Variants in GTPBP1 observed in about 807,000 individuals in gnomAD.
GTPBP1 encodes GTP binding protein 1.
In GTPBP1, 23 loss-of-function variants were observed where a neutral mutation model predicts 62.0. The ratio of observed to expected loss-of-function variants is 0.37; its 90% CI spans 0.27 to 0.53. GTPBP1 has a LOEUF of 0.53. Ranked by LOEUF, GTPBP1 falls within the 20% of genes least tolerant of loss-of-function variation. The pLI, the probability that GTPBP1 is intolerant of heterozygous loss-of-function variation, is 0.89. For missense variants in GTPBP1, 640 were observed against 917.3 expected (o/e 0.70, Z 3.90); for synonymous variants, 344 against 364.4 (o/e 0.94, Z 0.64).
At chr22:38,706,883 C>T (rs919574455) in intron 1 of GTPBP1, 2 of 152,170 alleles carry the variant, frequency 1.3e-5, no homozygotes, top group Non-Finnish European at 1.5e-5. Context: ...GCCTCGCCAA[C>T]GGCTTGACAT....
At chr22:38,739,111 C>G, downstream of GTPBP1, 1 of 1,054,372 alleles carries the variant, frequency 9.5e-7, no homozygotes, top group South Asian at 1.4e-5. This position sits in a 1 kb window ranked among gnomAD's most constrained non-coding sequence, Gnocchi z 6.7. Context: ...TAACCCTAAC[C>G]GAGATGCTCA....
chr22:38,726,111 G>A lies in GTPBP1; in HGVS notation c.1179G>A (p.Glu393=), dbSNP rs2092725380. 1 of 1,614,098 alleles carries A rather than the reference G, an allele frequency of 6.2e-7. No homozygotes were observed. Among genetic ancestry groups the A allele is most frequent in the Non-Finnish European group, 8.5e-7 (1 of 1,179,988 alleles). The change falls in exon 7 of 12, where the codon GAG becomes GAA. Residue 393 remains glutamate (E), a synonymous_variant. Coordinates refer to ENST00000216044, the MANE Select transcript of GTPBP1 (RefSeq NM_004286.5). The surrounding 1 kb of genome is among the most constrained non-coding windows in gnomAD (Gnocchi z 4.1). ...LSPRTSYREE[E]PAEFQIDDTY... is the part of the protein sequence containing the mutation. ...CCCGCACCAGCTACAGGGAGGAGGA[G>A]CCTGCTGAGTTTCAGATTGATGACA...
In GTPBP1 at chr22:38,716,518, C is replaced by T; in HGVS notation, c.486-134C>T. ...ACCTTCCCACTGTGCTCCTCCGGCTCAAGGAGGAGCTGTGAGCCGGAGGGG... is the reference window on the plus strand; with the variant it reads ...ACCTTCCCACTGTGCTCCTCCGGCTTAAGGAGGAGCTGTGAGCCGGAGGGG... On this transcript the variant is annotated intron_variant, in intron 3 of 11. Transcript: ENST00000216044. This position sits in a 1 kb window ranked among gnomAD's most constrained non-coding sequence, Gnocchi z 5.2. The T allele has an allele frequency of 1.5e-6, 1 of 667,496 alleles. No homozygotes were observed. 41.3% of individuals were successfully genotyped at this position (667,496 alleles called of 1,614,324 possible).
downstream of GTPBP1, chr22:38,736,496 C>T: frequency 1.3e-6 from 1 of 762,112 alleles, no homozygotes. Flanking sequence ...TGCTCCTTCC[C>T]TGGGGCTCTG....
downstream of GTPBP1, chr22:38,738,950 C>G: frequency 6.2e-7 from 1 of 1,613,656 alleles, no homozygotes; most frequent in Non-Finnish European, 8.5e-7. The surrounding 1 kb of genome is among the most constrained non-coding windows in gnomAD (Gnocchi z 6.6). Flanking sequence ...GTCTTGGTCT[C>G]GTAGGTCTCA....
At chr22:38,717,050 GTC>G (rs2092674850) in intron 4 of GTPBP1, 50 bp downstream of exon 4, 1 of 1,125,372 alleles carries the variant, frequency 8.9e-7, no homozygotes, top group South Asian at 1.3e-5. Context: ...GGCTGCTTGG[GTC>G]TGGTTATGTG....
At chr22:38,729,993 A>C (rs1003907526) in intron 11 of GTPBP1, among the ~76,000 whole-genome samples, 1 of 152,224 alleles carries the variant, frequency 6.6e-6, no homozygotes, top group Non-Finnish European at 1.5e-5. Flanking sequence ...TGAGTGTCCA[A>C]GTGATATATG....
At chr22:38,721,970 TTTTTTA>T in intron 5 of GTPBP1, 105 bp downstream of exon 5, 1 of 641,576 alleles carries the variant, frequency 1.6e-6, no homozygotes, top group East Asian at 3.2e-5. Flanking sequence ...ACTTCTTTTC[TTTTTTA>T]TTTTTATTTT....
intron 4 of GTPBP1, among the ~76,000 whole-genome samples, chr22:38,719,725 C>T (rs562147631): frequency 4.6e-5 from 7 of 150,736 alleles, no homozygotes; most frequent in African/African-American, 1.5e-4. Flanking sequence ...CACTGCTAAA[C>T]ACTTCAGCAT....
chr22:38,714,807 G>A (rs2092660511), intron 2 of GTPBP1, among the ~76,000 whole-genome samples: 1 of 152,128 alleles, frequency 6.6e-6, no homozygotes, highest in Admixed American at 6.5e-5. Flanking sequence ...GAGCAGGGGT[G>A]CTCTCAGAGA....
At chr22:38,742,148 GAAAAA>G (rs369861899), downstream of GTPBP1, among the ~76,000 whole-genome samples, 2 of 127,742 alleles carry the variant, frequency 1.6e-5, no homozygotes, top group Non-Finnish European at 3.4e-5. Context: ...GTCTCAAAAA[GAAAAA>G]AAAAAAAGAA....
At chr22:38,711,593 G>C (rs566581755) in intron 2 of GTPBP1, among the ~76,000 whole-genome samples, 157 of 152,236 alleles carry the variant, frequency 1.0e-3, no homozygotes, top group African/African-American at 3.6e-3. Flanking sequence ...TATAATCCCA[G>C]CACTTTGGGA....
intron 6 of GTPBP1, chr22:38,725,402 T>C (rs950452097): frequency 6.5e-6 from 1 of 152,778 alleles, no homozygotes; most frequent in Non-Finnish European, 1.5e-5. Flanking sequence ...CCAGGAAGGA[T>C]TTCATGGAAG....
intron 5 of GTPBP1, chr22:38,722,868 A>G: frequency 7.0e-7 from 1 of 1,434,896 alleles, no homozygotes; most frequent in Non-Finnish European, 9.8e-7. Flanking sequence ...CGCCTTCACC[A>G]AGTGGAGGGT....
intron 2 of GTPBP1, among the ~76,000 whole-genome samples, chr22:38,712,042 G>C (rs1330431660): frequency 6.6e-6 from 1 of 151,886 alleles, no homozygotes; most frequent in East Asian, 1.9e-4. Context: ...CACCACGCCT[G>C]GCTAATTTTT....
In GTPBP1 at chr22:38,733,455, C is replaced by T. The variant is rs1033471525; in HGVS notation, c.*2751C>T. The T allele has an allele frequency of 5.9e-5, 9 of 152,328 alleles. No individual in the cohort carries two copies. The highest frequency in any genetic ancestry group is 1.3e-4 in the Non-Finnish European group (9 of 68,102). The allele number at this position is 152,328 out of a possible 1,614,324, so 9.4% of individuals were successfully genotyped here. ...CCCACACCTGCCAGCAGGGGGCTGA[C>T]TGGATCCATGCTTTACTGTGTTTAA... On this transcript the variant is annotated 3_prime_UTR_variant, in exon 12 of 12. Coordinates refer to ENST00000216044, the MANE Select transcript of GTPBP1 (RefSeq NM_004286.5).
At chr22:38,723,627 A>C (rs556984091) in intron 5 of GTPBP1, 119 of 492,208 alleles carry the variant, frequency 2.4e-4, no homozygotes, top group African/African-American at 2.1e-3. Context: ...CACAGCCTAG[A>C]ATTATCCTCT....
chr22:38,727,157 G>T lies in GTPBP1; in HGVS notation c.1402-56G>T, dbSNP rs2145880074. 1.4e-6 allele frequency: 2 copies of T among 1,480,136 alleles called. No individual in the cohort carries two copies. The highest frequency in any genetic ancestry group is 5.1e-5 in the East Asian group (2 of 38,962). The allele number at this position is 1,480,136 out of a possible 1,614,324, so 91.7% of individuals were successfully genotyped here. A position where few individuals can be genotyped will look rare whatever the true frequency, so the allele number is the denominator to read the frequency against. ...AAGACTCTTGGTCCCTGGGACCAGG[G>T]GTGAAACCAGAAGGCATAATTGTCC... On this transcript the variant is annotated intron_variant, in intron 8 of 11. Coordinates refer to ENST00000216044, the MANE Select transcript of GTPBP1 (RefSeq NM_004286.5). This position sits in a 1 kb window ranked among gnomAD's most constrained non-coding sequence, Gnocchi z 6.5.
chr22:38,720,021 C>T (rs2092691506), intron 4 of GTPBP1, among the ~76,000 whole-genome samples: 1 of 150,220 alleles, frequency 6.7e-6, no homozygotes, highest in African/African-American at 2.5e-5. Flanking sequence ...CTCTGCCTCC[C>T]GGGTTCATGC....
Sources: gnomAD v4.1 joint callset for allele counts (sites outside exome capture counted in the v4.1 genomes callset) on GRCh38, gnomAD v4.1.1 for gene constraint, Gnocchi (gnomAD v3.1) non-coding constraint, MANE v1.5 for transcripts, NCBI Gene and HGNC (gene_info 2026-07-23, HGNC 2026-07-21) for gene names.